Variants in FER observed in about 807,000 individuals in gnomAD.
FER encodes the protein tyrosine-protein kinase Fer.
Under a neutral mutation model 111.0 loss-of-function variants are expected in FER, and 63 were observed. The ratio of observed to expected loss-of-function variants is 0.57; its 90% CI spans 0.46 to 0.70. The LOEUF (loss-of-function observed/expected upper bound fraction) is 0.70, where lower values mean the gene tolerates loss of function less well. Among genes scored for constraint, FER ranks in the 30% least tolerant of loss-of-function variants. The pLI is 0.00. For missense variants in FER, 914 were observed against 954.0 expected (o/e 0.96, Z 0.55); for synonymous variants, 327 against 313.9 (o/e 1.04, Z -0.44).
At position 108,786,777 on chromosome 5, in the gene FER, G is replaced by T. The variant is rs183710514; in HGVS notation, c.-59-11347G>T. ...AGCCTCCCAAAGTGCTGGGATTACA[G>T]GCATGAGCCACCGTGCCCGGCCAAA... On this transcript the variant is annotated intron_variant, in intron 2 of 19. Coordinates refer to ENST00000281092, the MANE Select transcript of FER (RefSeq NM_005246.4). 2.1e-3 allele frequency among the ~76,000 whole-genome samples: 316 copies of T among 152,326 alleles called. 3 individuals carry two copies. Among genetic ancestry groups the T allele is most frequent in the African/African-American group, 7.0e-3 (293 of 41,570 alleles).
chr5:108,959,170 A>G (rs1393833048), intron 12 of FER, 55 bp from the exon 13 acceptor site: 15 of 1,558,540 alleles, frequency 9.6e-6, no homozygotes, highest in Non-Finnish European at 1.3e-5. Context: ...CAATGAATGT[A>G]GATTTTCTAA....
At chr5:109,126,156 G>GA (rs1375922067) in intron 17 of FER, among the ~76,000 whole-genome samples, 1 of 152,116 alleles carries the variant, frequency 6.6e-6, no homozygotes, top group Non-Finnish European at 1.5e-5. Context: ...TGTAAAACAC[G>GA]AAAAAAGACG....
chr5:109,097,794 T>G (rs1477998335), intron 16 of FER, among the ~76,000 whole-genome samples: 1 of 151,814 alleles, frequency 6.6e-6, no homozygotes, highest in Non-Finnish European at 1.5e-5. Context: ...ATTTCTTGCT[T>G]CAGGGTTCTT....
intron 16 of FER, among the ~76,000 whole-genome samples, chr5:109,065,438 T>A (rs1395644604): frequency 2.0e-5 from 3 of 152,248 alleles, no homozygotes; most frequent in African/African-American, 7.2e-5. Context: ...TGCTACTCTT[T>A]TATTTGTAAA....
chr5:108,870,436 A>G (rs753538830), intron 6 of FER, among the ~76,000 whole-genome samples: 20 of 152,100 alleles, frequency 1.3e-4, no homozygotes, highest in Admixed American at 7.9e-4. Context: ...TACTGACTAA[A>G]TCTGTATTAA....
intron 2 of FER, among the ~76,000 whole-genome samples, chr5:108,797,027 G>A (rs1159917299): frequency 2.6e-5 from 4 of 152,042 alleles, no homozygotes; most frequent in African/African-American, 4.8e-5. Flanking sequence ...AGCCCACAGC[G>A]TACTACCCGG....
Position 108,994,185 on chromosome 5 carries a change from T to C in FER, c.1656+34838T>C, listed in dbSNP as rs113496817. On this transcript the variant is annotated intron_variant, in intron 13 of 19. Transcript: ENST00000281092. The stretch of plus-strand genomic sequence containing the variant: ...GCAATTGCTTTTGATATATTAATCA[T>C]GAAATCTTTGCCCATGCCTATGCCC... Among the ~76,000 whole-genome samples, 67 of 152,346 alleles carry C rather than the reference T, an allele frequency of 4.4e-4. 1 individual carries two copies. Among genetic ancestry groups the C allele is most frequent in the African/African-American group, 1.5e-3 (62 of 41,582 alleles).
intron 5 of FER, among the ~76,000 whole-genome samples, chr5:108,857,166 G>T (rs983100011): frequency 1.1e-4 from 17 of 152,030 alleles, no homozygotes; most frequent in African/African-American, 3.9e-4. Context: ...ATGCATGTGT[G>T]TGTATGTGTA....
intron 10 of FER, among the ~76,000 whole-genome samples, chr5:108,906,761 AAT>A (rs1022385748): frequency 2.0e-5 from 3 of 151,840 alleles, no homozygotes; most frequent in East Asian, 1.9e-4. Context: ...TTACTAAAAT[AAT>A]ATATATATAT....
chr5:109,094,965 T>C (rs979571745), intron 16 of FER, among the ~76,000 whole-genome samples: 1 of 152,164 alleles, frequency 6.6e-6, no homozygotes, highest in Non-Finnish European at 1.5e-5. Context: ...CTGGCAAGAG[T>C]ATAGCTGTTG....
At chr5:109,142,696 G>A (rs1438193788) in intron 17 of FER, among the ~76,000 whole-genome samples, 1 of 151,990 alleles carries the variant, frequency 6.6e-6, no homozygotes, top group Non-Finnish European at 1.5e-5. Flanking sequence ...GGCATCAAAG[G>A]CAAATTTGAC....
In FER at chr5:108,916,500, C is replaced by G. The variant is rs76735733; in HGVS notation, c.1236+18652C>G. 6.3e-3 allele frequency among the ~76,000 whole-genome samples: 957 copies of G among 152,108 alleles called. 6 individuals are homozygous for G. The highest frequency in any genetic ancestry group is 0.022 in the African/African-American group (922 of 41,510). On this transcript the variant is annotated intron_variant, in intron 10 of 19. Coordinates refer to ENST00000281092, the MANE Select transcript of FER (RefSeq NM_005246.4). ...AATGTAATTAATTGTAGCATTGGAT[C>G]GGGAGGGGCCTGGATGAGTATAGAC...
At chr5:108,777,764 G>A (rs1753649165) in intron 2 of FER, among the ~76,000 whole-genome samples, 1 of 152,228 alleles carries the variant, frequency 6.6e-6, no homozygotes. Context: ...AAGGCAAGGA[G>A]GAGCAAGTCA....
At chr5:109,028,742 G>A (rs916051283) in intron 13 of FER, among the ~76,000 whole-genome samples, 4 of 152,220 alleles carry the variant, frequency 2.6e-5, no homozygotes, top group Non-Finnish European at 5.9e-5. Flanking sequence ...AACAGCAAAA[G>A]CTAGGTCAAA....
intron 1 of FER, among the ~76,000 whole-genome samples, chr5:108,764,419 C>A (rs1038262011): frequency 6.6e-6 from 1 of 151,764 alleles, no homozygotes; most frequent in Admixed American, 6.6e-5. Flanking sequence ...ATTTTTGAGA[C>A]GAAGTTTCAC....
intron 13 of FER, among the ~76,000 whole-genome samples, chr5:109,030,636 G>C (rs1271855312): frequency 6.6e-6 from 1 of 152,076 alleles, no homozygotes; most frequent in African/African-American, 2.4e-5. Context: ...CCCAAGTCTG[G>C]GCTGCCAGGT....
At chr5:109,004,936 G>A (rs867508049) in intron 13 of FER, among the ~76,000 whole-genome samples, 86 of 150,988 alleles carry the variant, frequency 5.7e-4, no homozygotes, top group African/African-American at 2.0e-3. Flanking sequence ...GTTTTGTTTT[G>A]TTTTTTAATA....
chr5:109,025,204 C>T (rs1768528537), intron 13 of FER, among the ~76,000 whole-genome samples: 1 of 151,916 alleles, frequency 6.6e-6, no homozygotes, highest in Non-Finnish European at 1.5e-5. Context: ...TATAAATTAC[C>T]TTGGGCAGTA....
chr5:109,000,488 G>C (rs558348064), intron 13 of FER, among the ~76,000 whole-genome samples: 6 of 151,674 alleles, frequency 4.0e-5, no homozygotes, highest in African/African-American at 2.4e-5. Flanking sequence ...AGAATCTCTC[G>C]GACACATTCA....
Sources: allele counts gnomAD v4.1 joint callset (sites outside exome capture counted in the v4.1 genomes callset), GRCh38; gene constraint gnomAD v4.1.1; transcripts MANE v1.5; gene names NCBI Gene and HGNC (gene_info 2026-07-23, HGNC 2026-07-21).